MID1: variants seen among roughly 807,000 people sequenced by gnomAD.
MID1 encodes E3 ubiquitin-protein ligase Midline-1.
A neutral mutation model predicts 40.4 loss-of-function variants in MID1; 7 were observed. The observed-to-expected ratio is 0.17, with a 90% confidence interval of 0.10 to 0.33. MID1 has a LOEUF of 0.33. Ranked by LOEUF, MID1 falls within the 10% of genes least tolerant of loss-of-function variation. The pLI, the probability that MID1 is intolerant of heterozygous loss-of-function variation, is 1.00. For synonymous variants in MID1, 229 were observed against 221.2 expected, an observed-to-expected ratio of 1.04 and a Z score of -0.31; for missense variants, 367 against 558.5, an observed-to-expected ratio of 0.66 and a Z score of 3.46.
intron 1 of MID1, among the ~76,000 whole-genome samples, chrX:10,704,704 ATGTGTGTGTG>A (rs200165129): frequency 1.2e-5 from 1 of 80,986 alleles, no homozygotes; most frequent in Non-Finnish European, 2.3e-5. Context: ...ATATATATGC[ATGTGTGTGTG>A]TGTATATATA....
chrX:10,630,171 T>C (rs930504417), intron 1 of MID1, among the ~76,000 whole-genome samples: 6 of 112,016 alleles, frequency 5.4e-5, no homozygotes, highest in Non-Finnish European at 9.4e-5. Flanking sequence ...TAAGTGCTGC[T>C]GTCATGAGCA....
At chrX:10,676,908 C>T (rs2043027197) in intron 1 of MID1, among the ~76,000 whole-genome samples, 1 of 111,525 alleles carries the variant, frequency 9.0e-6, no homozygotes, top group South Asian at 3.8e-4. Context: ...TGGTCACTAT[C>T]CCTCAGGGAT....
Position 10,690,404 on chromosome X carries a change from C to T in MID1, c.-186-69985G>A, listed in dbSNP as rs757325421. 2.2e-3 allele frequency among the ~76,000 whole-genome samples: 250 copies of T among 112,042 alleles called. 2 individuals are homozygous for T. The highest frequency in any genetic ancestry group is 7.3e-3 in the African/African-American group (224 of 30,885). ...CATTGAAAGATTATAAGAAGAGAAT[C>T]GTAAGAAGAGATTTGCACTTTGTGA... is the stretch of plus-strand genomic sequence containing the variant. On this transcript the variant is annotated intron_variant, in intron 1 of 10. Coordinates refer to the MID1 transcript ENST00000380785.
intron 1 of MID1, among the ~76,000 whole-genome samples, chrX:10,673,911 G>A (rs1018715360): frequency 9.0e-6 from 1 of 111,276 alleles, no homozygotes; most frequent in African/African-American, 3.3e-5. Context: ...TCTGGTATAT[G>A]GTGGATTCAA....
chrX:10,526,292 TAACAAC>T (rs371728204), intron 2 of MID1, among the ~76,000 whole-genome samples: 373 of 110,241 alleles, frequency 3.4e-3, no homozygotes, highest in Middle Eastern at 0.014. Flanking sequence ...AACTTGCTTT[TAACAAC>T]AACAACAACA....
At chrX:10,613,066 G>A (rs963103731) in intron 1 of MID1, among the ~76,000 whole-genome samples, 3 of 110,849 alleles carry the variant, frequency 2.7e-5, no homozygotes, top group African/African-American at 9.9e-5. Context: ...TGCTTTATTT[G>A]GCCATTCATC....
chrX:10,779,966 T>C (rs1256880196), intron 1 of MID1, among the ~76,000 whole-genome samples: 1 of 87,240 alleles, frequency 1.1e-5, no homozygotes, highest in African/African-American at 7.6e-5. Context: ...CTTTTCTTTG[T>C]TTTTTTTTTG....
chrX:10,629,262 A>T (rs1300820817), intron 1 of MID1, among the ~76,000 whole-genome samples: 1 of 109,235 alleles, frequency 9.2e-6, no homozygotes, highest in African/African-American at 3.4e-5. Context: ...CAGTGGCGTG[A>T]TCTCAGCTCA....
Position 10,523,146 on chromosome X carries a change from G to A in MID1, c.702C>T (p.Asn234=), listed in dbSNP as rs1405782698. ...ESNLTNLIKR[N]TELETLLAKL... ...TAGCCAAAAGGGTCTCCAGTTCTGT[G>A]TTCCTCTTAATAAGGTTGGTGAGGT... The change falls in exon 3 of 10, where the codon AAC becomes AAT. Residue 234 remains asparagine, a synonymous_variant. Transcript: ENST00000317552. 8.4e-7 allele frequency: 1 copy of A among 1,187,854 alleles called. No individual in the cohort carries two copies. Among genetic ancestry groups the A allele is most frequent in the Admixed American group, 2.3e-5 (1 of 44,016 alleles).
intron 3 of MID1, among the ~76,000 whole-genome samples, chrX:10,508,882 G>A (rs1005410838): frequency 9.0e-6 from 1 of 111,592 alleles, no homozygotes; most frequent in Non-Finnish European, 1.9e-5. Flanking sequence ...GAGCTCCATA[G>A]AGTCTGGCTA....
chrX:10,630,690 T>C (rs920041450), intron 1 of MID1, among the ~76,000 whole-genome samples: 1 of 110,988 alleles, frequency 9.0e-6, no homozygotes, highest in African/African-American at 3.3e-5. Flanking sequence ...ATTGATATTA[T>C]AGAGCTCAGT....
chrX:10,728,095 T>C (rs1244643233), intron 1 of MID1, among the ~76,000 whole-genome samples: 5 of 112,293 alleles, frequency 4.5e-5, no homozygotes, highest in Non-Finnish European at 9.4e-5. Flanking sequence ...GAAGTGTTTC[T>C]GTGTAAGTGA....
intron 4 of MID1, among the ~76,000 whole-genome samples, chrX:10,492,592 T>C (rs1240756717): frequency 3.6e-5 from 4 of 112,194 alleles, no homozygotes; most frequent in Non-Finnish European, 5.6e-5. Context: ...CTATAGCCCA[T>C]GGCATTAAAT....
intron 2 of MID1, among the ~76,000 whole-genome samples, chrX:10,525,045 G>T (rs1233520133): frequency 8.9e-6 from 1 of 112,035 alleles, no homozygotes; most frequent in African/African-American, 3.2e-5. Flanking sequence ...AATTTATAAT[G>T]CCATCCAAGA....
intron 1 of MID1, among the ~76,000 whole-genome samples, chrX:10,656,690 A>G (rs984465835): frequency 9.0e-6 from 1 of 111,070 alleles, no homozygotes; most frequent in African/African-American, 3.3e-5. Flanking sequence ...GGGTCTGGGA[A>G]GGTAAGTGAA....
chrX:10,612,773 C>T (rs2147534384), intron 1 of MID1, among the ~76,000 whole-genome samples: 1 of 111,633 alleles, frequency 9.0e-6, no homozygotes, highest in South Asian at 3.8e-4. Context: ...TGAAAACATC[C>T]AAATTATATC....
chrX:10,685,869 C>T (rs1344046415), intron 1 of MID1, among the ~76,000 whole-genome samples: 4 of 82,184 alleles, frequency 4.9e-5, no homozygotes, highest in Admixed American at 4.7e-4. Context: ...CTACACCCCA[C>T]ATACTCATAC....
chrX:10,528,929 A>G (rs1249209404), intron 2 of MID1, among the ~76,000 whole-genome samples: 1 of 111,559 alleles, frequency 9.0e-6, no homozygotes, highest in Non-Finnish European at 1.9e-5. Flanking sequence ...TTTAAGGAGC[A>G]TAATGGTTAA....
At chrX:10,694,798 A>G (rs1216072402) in intron 1 of MID1, among the ~76,000 whole-genome samples, 3 of 112,382 alleles carry the variant, frequency 2.7e-5, no homozygotes, top group African/African-American at 9.7e-5. Flanking sequence ...AAATTATGAC[A>G]CTAAGAGAAA....
Sources: gnomAD v4.1 joint callset for allele counts (sites outside exome capture counted in the v4.1 genomes callset) on GRCh38, gnomAD v4.1.1 for gene constraint, MANE v1.5 for transcripts, NCBI Gene and HGNC (gene_info 2026-07-23, HGNC 2026-07-21) for gene names.